The following FAM118A variants were observed in gnomAD, a reference collection of about 807,000 sequenced individuals.
The protein encoded by FAM118A is protein FAM118A.
FAM118A carries 25 observed loss-of-function variants against 38.2 expected under a neutral mutation model. The observed-to-expected ratio is 0.65, with a 90% CI of 0.48 to 0.91. FAM118A has a LOEUF of 0.91. FAM118A is among the 40% of genes least tolerant of loss of function. FAM118A has a pLI of 0.00. For missense variants in FAM118A, 425 were observed against 463.3 expected, an observed-to-expected ratio of 0.92 and a Z score of 0.76; for synonymous variants, 178 against 184.1, an observed-to-expected ratio of 0.97 and a Z score of 0.27.
chr22:45,314,933 G>T (rs9626307), intron 1 of FAM118A, among the ~76,000 whole-genome samples: 1,602 of 152,334 alleles, frequency 0.011, 27 homozygotes, highest in African/African-American at 0.037. Flanking sequence ...ACAACTTGGG[G>T]CTGGCCTGTT....
Position 45,330,655 on chromosome 22 carries a change from G to T in FAM118A, c.575G>T (p.Gly192Val). The T allele has an allele frequency of 6.3e-7, 1 of 1,590,478 alleles. No homozygotes were observed. The highest frequency in any genetic ancestry group is 8.6e-7 in the Non-Finnish European group (1 of 1,169,352). ...AAGTACGGCGTCCTCCACATTCACG[G>T]CCTCTACACGGACCCCTGCGGGGTG... ...HMKYGVLHIH[G>V]LYTDPCGVVL... Residue 192 changes from glycine to valine, a missense_variant, in exon 5 of 9, where the codon GGC (glycine) becomes GTC (valine). By Grantham distance (109) the Gly-to-Val change is moderately radical. Transcript: ENST00000441876.
At chr22:45,338,514 A>C (rs2086256324) in intron 8 of FAM118A, among the ~76,000 whole-genome samples, 1 of 152,252 alleles carries the variant, frequency 6.6e-6, no homozygotes. Context: ...GGCGTGAGCC[A>C]CTGCGCCCGG....
intron 7 of FAM118A, among the ~76,000 whole-genome samples, chr22:45,335,870 G>A (rs954034372): frequency 2.6e-5 from 4 of 152,186 alleles, no homozygotes; most frequent in East Asian, 1.9e-4. Context: ...GGCCATGAGC[G>A]TCCTCCTGTG....
chr22:45,310,394 C>G (rs1262686300), intron 1 of FAM118A, among the ~76,000 whole-genome samples: 4 of 152,014 alleles, frequency 2.6e-5, no homozygotes, highest in Non-Finnish European at 5.9e-5. Flanking sequence ...ACTCCGAGAC[C>G]CCCTGAGGAC....
At chr22:45,339,165 G>A (rs1323236574) in intron 8 of FAM118A, among the ~76,000 whole-genome samples, 5 of 152,228 alleles carry the variant, frequency 3.3e-5, no homozygotes, top group African/African-American at 4.8e-5. Context: ...AGCACTTTGG[G>A]AGGCTGAGGC....
chr22:45,330,832 C>T (rs375806078), intron 5 of FAM118A, 101 bp downstream of exon 5: 61 of 1,330,692 alleles, frequency 4.6e-5, no homozygotes, highest in Admixed American at 3.3e-4. Context: ...TCCAGGCGTC[C>T]GTGCCCTTCA....
intron 2 of FAM118A, 47 bp downstream of exon 2, chr22:45,322,473 T>G (rs776948528): frequency 2.6e-6 from 4 of 1,520,226 alleles, no homozygotes; most frequent in Non-Finnish European, 2.7e-6. Flanking sequence ...TGACTTCATC[T>G]AGCGTCTCTC....
intron 2 of FAM118A, 112 bp from the exon 3 acceptor site, chr22:45,323,063 G>GTGTGTT (rs2084990619): frequency 9.1e-7 from 1 of 1,096,016 alleles, no homozygotes; most frequent in African/African-American, 1.6e-5. Context: ...GTGTGTGTGT[G>GTGTGTT]TGTGTGTGTG....
chr22:45,329,065 C>T (rs2085517868), intron 4 of FAM118A: 1 of 153,194 alleles, frequency 6.5e-6, no homozygotes, highest in Non-Finnish European at 1.5e-5. Context: ...ATGATCCTGC[C>T]CCGTGATCCA....
chr22:45,340,729 G>T lies in FAM118A; in HGVS notation c.*324G>T. The T allele has an allele frequency of 7.3e-6, 3 of 413,116 alleles. No homozygotes were observed. In the South Asian group the frequency reaches 1.4e-4, roughly 19 times the overall value. 25.6% of individuals were successfully genotyped at this position (413,116 alleles called of 1,614,324 possible). On this transcript the variant is annotated 3_prime_UTR_variant, in exon 9 of 9. Transcript: ENST00000441876. ...TGACAGGCTCTCTTTTGTCAAGGTG[G>T]TATTTTTCGTAATAAAAGGGGAAGA...
intron 1 of FAM118A, among the ~76,000 whole-genome samples, chr22:45,319,672 T>C (rs576452325): frequency 6.6e-6 from 1 of 152,302 alleles, no homozygotes; most frequent in Admixed American, 6.5e-5. Flanking sequence ...CAGAGTTGCT[T>C]ATATTATTAA....
intron 8 of FAM118A, among the ~76,000 whole-genome samples, chr22:45,338,374 C>T (rs543757658): frequency 2.8e-4 from 42 of 152,230 alleles, no homozygotes; most frequent in African/African-American, 9.1e-4. Flanking sequence ...GGACTACAGT[C>T]GCACACCACC....
At chr22:45,330,492 G>T in intron 4 of FAM118A, 111 bp from the exon 5 acceptor site, 2 of 1,234,650 alleles carry the variant, frequency 1.6e-6, no homozygotes, top group African/African-American at 1.5e-5. Flanking sequence ...ATCTCTCGAT[G>T]ATTCTTTCCA....
intron 4 of FAM118A, 93 bp from the exon 5 acceptor site, chr22:45,330,510 T>C: frequency 7.4e-7 from 1 of 1,345,652 alleles, no homozygotes. Context: ...CCAAGATAGG[T>C]TTAAAAACTA....
rs2075565593 is a variant in FAM118A at position 45,309,978 on chromosome 22, G to A, written c.-215G>A. 2.0e-5 allele frequency: 3 copies of A among 152,302 alleles called. No homozygotes were observed. The highest frequency in any genetic ancestry group is 7.2e-5 in the African/African-American group (3 of 41,440). 9.4% of individuals were successfully genotyped at this position (152,302 alleles called of 1,614,324 possible). On this transcript the variant is annotated 5_prime_UTR_variant, in exon 1 of 9. Transcript: ENST00000441876. ...CTAACGCGGAGGGGCGCCTGGAGGC[G>A]GCGTGGCGTCCGCTCTGGCTCCGAC... is the stretch of plus-strand genomic sequence containing the variant.
intron 1 of FAM118A, among the ~76,000 whole-genome samples, chr22:45,317,872 A>G (rs2084675910): frequency 6.6e-6 from 1 of 152,140 alleles, no homozygotes; most frequent in Non-Finnish European, 1.5e-5. Context: ...TCGGACTTGT[A>G]CTTGCTTCCC....
chr22:45,332,613 G>T lies in FAM118A; in HGVS notation c.840G>T (p.Leu280=), dbSNP rs2085801435. Residue 280 remains leucine (L), a synonymous_variant, in exon 6 of 9, where the codon CTG becomes CTT. Transcript: ENST00000441876. ...HFFKHQADML[L]HGIKVVSYGD... is the part of the protein sequence containing the mutation. ...TTAAGCATCAGGCAGATATGCTTCT[G>T]CACGGAATCAAAGTTGTATCCTACG... The T allele has an allele frequency of 6.2e-7, 1 of 1,614,084 alleles. No individual in the cohort carries two copies. Among genetic ancestry groups the T allele is most frequent in the Non-Finnish European group, 8.5e-7 (1 of 1,180,050 alleles).
At chr22:45,321,186 A>AGCTC (rs1355011488) in intron 1 of FAM118A, among the ~76,000 whole-genome samples, 4 of 151,414 alleles carry the variant, frequency 2.6e-5, no homozygotes, top group Non-Finnish European at 5.9e-5. Flanking sequence ...GCGCGATCTC[A>AGCTC]GCTCACTGCA....
chr22:45,337,383 G>A (rs754091088), intron 8 of FAM118A, among the ~76,000 whole-genome samples: 7 of 152,184 alleles, frequency 4.6e-5, no homozygotes, highest in Admixed American at 2.0e-4. Context: ...TGCCAGCTGC[G>A]GATGTGTCCT....
Sources: gnomAD v4.1 joint callset for allele counts (sites outside exome capture counted in the v4.1 genomes callset) on GRCh38, gnomAD v4.1.1 for gene constraint, MANE v1.5 for transcripts, NCBI Gene and HGNC (gene_info 2026-07-23, HGNC 2026-07-21) for gene names.